GRM3: variants seen among roughly 807,000 people sequenced by gnomAD.
The protein encoded by GRM3 is metabotropic glutamate receptor 3.
A neutral mutation model predicts 70.5 loss-of-function variants in GRM3; 26 were observed. That is an observed-to-expected ratio of 0.37 (90% CI 0.27 to 0.51). GRM3 has a LOEUF of 0.51. GRM3 is among the 20% of genes least tolerant of loss of function. The probability of loss-of-function intolerance (pLI) is 0.93; values close to 1 mark genes in which losing one functional copy is unlikely to be tolerated. For synonymous variants in GRM3, 443 were observed against 434.9 expected (o/e 1.02, Z -0.23); for missense variants, 859 against 1,123.8 (o/e 0.76, Z 3.37).
chr7:86,722,628 A>G (rs1795498155), intron 1 of GRM3, among the ~76,000 whole-genome samples: 1 of 151,840 alleles, frequency 6.6e-6, no homozygotes, highest in African/African-American at 2.4e-5. Context: ...TAGGAGAGGG[A>G]TAGCATTAGG....
chr7:86,657,378 A>G (rs1220085021), intron 1 of GRM3, among the ~76,000 whole-genome samples: 1 of 152,236 alleles, frequency 6.6e-6, no homozygotes, highest in Non-Finnish European at 1.5e-5. Context: ...TGTTTGACAT[A>G]ACTGTAGAAG....
intron 3 of GRM3, among the ~76,000 whole-genome samples, chr7:86,820,085 G>T (rs1317165253): frequency 1.3e-5 from 2 of 152,088 alleles, no homozygotes; most frequent in Non-Finnish European, 2.9e-5. Flanking sequence ...CTCTTACAGT[G>T]ATTTAAGTTT....
intron 1 of GRM3, among the ~76,000 whole-genome samples, chr7:86,692,467 A>G (rs932102744): frequency 2.8e-4 from 42 of 152,324 alleles, no homozygotes; most frequent in African/African-American, 9.9e-4. Context: ...GCCTGCTGCT[A>G]TTATACCAGA....
intron 1 of GRM3, among the ~76,000 whole-genome samples, chr7:86,687,216 A>G (rs1168702296): frequency 1.3e-5 from 2 of 151,982 alleles, no homozygotes; most frequent in Non-Finnish European, 2.9e-5. Flanking sequence ...AAATTTTTCA[A>G]AATTGATGAA....
At chr7:86,820,222 A>C (rs1798092764) in intron 3 of GRM3, among the ~76,000 whole-genome samples, 1 of 152,132 alleles carries the variant, frequency 6.6e-6, no homozygotes, top group Non-Finnish European at 1.5e-5. Flanking sequence ...TGGATATTCG[A>C]AAACCAAATA....
intron 1 of GRM3, among the ~76,000 whole-genome samples, chr7:86,672,604 GT>G (rs138432194): frequency 6.8e-6 from 1 of 147,286 alleles, no homozygotes; most frequent in Non-Finnish European, 1.5e-5. Flanking sequence ...TTTTGTTTTT[GT>G]TTTTTTTTTC....
intron 1 of GRM3, among the ~76,000 whole-genome samples, chr7:86,755,819 G>A (rs1049919059): frequency 6.6e-6 from 1 of 152,114 alleles, no homozygotes; most frequent in Non-Finnish European, 1.5e-5. Flanking sequence ...TATATATACA[G>A]AGAGAAGTAA....
At position 86,759,378 on chromosome 7, in the gene GRM3, T is replaced by C. The variant is rs543246624; in HGVS notation, c.-140-5628T>C. On this transcript the variant is annotated intron_variant, in intron 1 of 5. Coordinates refer to ENST00000361669, the MANE Select transcript of GRM3 (RefSeq NM_000840.3). ...GGGCCAAAGTTGAATTTTGCCCTACTATAATGTCATTTTGAAAATGACAGA... is the reference window on the plus strand; with the variant it reads ...GGGCCAAAGTTGAATTTTGCCCTACCATAATGTCATTTTGAAAATGACAGA... Among the ~76,000 whole-genome samples, 3 of 152,296 alleles carry C rather than the reference T, an allele frequency of 2.0e-5. No individual in the cohort carries two copies. In the South Asian group the frequency reaches 6.2e-4, roughly 32 times the overall value.
intron 1 of GRM3, among the ~76,000 whole-genome samples, chr7:86,684,223 T>C (rs1452804117): frequency 2.0e-5 from 3 of 152,174 alleles, no homozygotes; most frequent in Admixed American, 2.0e-4. Context: ...CTCAGTCACT[T>C]GCACAGCCCT....
At position 86,821,567 on chromosome 7, in the gene GRM3, G is replaced by A. The variant is rs1798120526; in HGVS notation, c.1325-17272G>A. Among the ~76,000 whole-genome samples the A allele has an allele frequency of 3.9e-5, 6 of 152,118 alleles. 1 individual carries two copies. The South Asian group carries it at 1.2e-3, about 32-fold the overall frequency. ...CAAGACGCGAAAAATGAAGTGGACA[G>A]TACATGGTAAAGCTGAGATTCCAAC... On this transcript the variant is annotated intron_variant, in intron 3 of 5. Coordinates refer to ENST00000361669, the MANE Select transcript of GRM3 (RefSeq NM_000840.3).
chr7:86,777,623 C>T (rs1167588268), intron 2 of GRM3, among the ~76,000 whole-genome samples: 1 of 152,162 alleles, frequency 6.6e-6, no homozygotes, highest in Non-Finnish European at 1.5e-5. Context: ...ACATGGGCAT[C>T]AATTGTTTTC....
intron 1 of GRM3, among the ~76,000 whole-genome samples, chr7:86,754,708 C>T (rs1796304768): frequency 6.6e-6 from 1 of 152,082 alleles, no homozygotes; most frequent in Non-Finnish European, 1.5e-5. Context: ...CAGAGAGAGG[C>T]TATTTGGGAA....
intron 3 of GRM3, among the ~76,000 whole-genome samples, chr7:86,836,586 G>T (rs1050632294): frequency 2.0e-5 from 3 of 152,130 alleles, no homozygotes; most frequent in African/African-American, 2.4e-5. Flanking sequence ...CAGAAGTGAG[G>T]TTTGGATAAA....
At chr7:86,858,081 C>A (rs933766311) in intron 5 of GRM3, among the ~76,000 whole-genome samples, 5 of 152,046 alleles carry the variant, frequency 3.3e-5, no homozygotes, top group Non-Finnish European at 7.4e-5. Context: ...CTCAGCCTCC[C>A]AAGTAGCTGG....
intron 1 of GRM3, among the ~76,000 whole-genome samples, chr7:86,703,363 T>C (rs1046355615): frequency 5.3e-5 from 8 of 151,916 alleles, no homozygotes; most frequent in African/African-American, 1.9e-4. Context: ...GTTCATGGAA[T>C]TTCTATATAT....
intron 3 of GRM3, among the ~76,000 whole-genome samples, chr7:86,806,396 C>T (rs1462008084): frequency 1.3e-5 from 2 of 152,302 alleles, no homozygotes; most frequent in African/African-American, 2.4e-5. Context: ...TTCTCCACAT[C>T]CTCTCCAGCA....
At chr7:86,664,302 A>G (rs1230269412) in intron 1 of GRM3, among the ~76,000 whole-genome samples, 1 of 151,914 alleles carries the variant, frequency 6.6e-6, no homozygotes, top group Non-Finnish European at 1.5e-5. Flanking sequence ...CAGGTGAATA[A>G]AGAAAAATTT....
intron 3 of GRM3, among the ~76,000 whole-genome samples, chr7:86,825,510 C>T (rs541136786): frequency 3.9e-5 from 6 of 152,306 alleles, no homozygotes; most frequent in South Asian, 4.1e-4. Flanking sequence ...TAGACCAGCA[C>T]GCTGGCAGGA....
At chr7:86,661,932 T>C (rs753465970) in intron 1 of GRM3, among the ~76,000 whole-genome samples, 1 of 151,876 alleles carries the variant, frequency 6.6e-6, no homozygotes, top group Non-Finnish European at 1.5e-5. Context: ...AATTGAGATA[T>C]AATTCAATTT....
Sources: allele counts gnomAD v4.1 joint callset (sites outside exome capture counted in the v4.1 genomes callset), GRCh38; gene constraint gnomAD v4.1.1; transcripts MANE v1.5; gene names NCBI Gene and HGNC (gene_info 2026-07-23, HGNC 2026-07-21).